POFUT3: variants seen among roughly 807,000 people sequenced by gnomAD.
The protein encoded by POFUT3 is protein O-fucosyltransferase 3.
chr8:33,309,389 G>A, the POFUT3 span, among the ~76,000 whole-genome samples: 53 of 128,654 alleles, frequency 4.1e-4, 2 homozygotes, highest in South Asian at 0.014. Context: ...TTCTCCCCTC[G>A]TGCGTCTTCC....
chr8:33,371,976 G>A, the POFUT3 span: 2 of 172,048 alleles, frequency 1.2e-5, no homozygotes, highest in Non-Finnish European at 2.3e-5. Flanking sequence ...AATGGGAGGC[G>A]ATAGGGCAAG....
the POFUT3 span, chr8:33,371,894 G>C: frequency 2.0e-5 from 3 of 152,364 alleles, no homozygotes; most frequent in African/African-American, 7.2e-5. Flanking sequence ...GAAGGGGTAA[G>C]TGGTAACATC....
chr8:33,355,343 G>A, the POFUT3 span, among the ~76,000 whole-genome samples: 1 of 152,086 alleles, frequency 6.6e-6, no homozygotes, highest in Non-Finnish European at 1.5e-5. Flanking sequence ...AGTACAACTG[G>A]ATTTTTCAAT....
At chr8:33,360,826 A>T in the POFUT3 span, 3 of 152,226 alleles carry the variant, frequency 2.0e-5, no homozygotes, top group Admixed American at 1.3e-4. Flanking sequence ...AAATAAACAC[A>T]CAAGCAAACA....
At chr8:33,331,174 C>A in the POFUT3 span, among the ~76,000 whole-genome samples, 15 of 149,940 alleles carry the variant, frequency 1.0e-4, no homozygotes, top group Non-Finnish European at 1.9e-4. Context: ...AACCCGATTT[C>A]TAATAAAAAT....
the POFUT3 span, among the ~76,000 whole-genome samples, chr8:33,375,967 A>T: frequency 6.6e-6 from 1 of 151,694 alleles, no homozygotes; most frequent in East Asian, 1.9e-4. Flanking sequence ...CAGTGAGCCA[A>T]GATCATGCCA....
At chr8:33,344,921 T>G in the POFUT3 span, among the ~76,000 whole-genome samples, 1 of 152,222 alleles carries the variant, frequency 6.6e-6, no homozygotes, top group East Asian at 1.9e-4. Flanking sequence ...TGGCTTGATT[T>G]TATGACATTT....
At chr8:33,378,274 C>T in the POFUT3 span, among the ~76,000 whole-genome samples, 1 of 152,162 alleles carries the variant, frequency 6.6e-6, no homozygotes, top group African/African-American at 2.4e-5. Flanking sequence ...ACTGCGGGAG[C>T]AGTAGCAAAC....
chr8:33,451,417 CA>C, the POFUT3 span, among the ~76,000 whole-genome samples: 1 of 151,502 alleles, frequency 6.6e-6, no homozygotes, highest in Non-Finnish European at 1.5e-5. Context: ...TACATGTATA[CA>C]TGTGTGTATA....
chr8:33,428,664 T>G, the POFUT3 span, among the ~76,000 whole-genome samples: 1 of 152,288 alleles, frequency 6.6e-6, no homozygotes, highest in African/African-American at 2.4e-5. Flanking sequence ...ACAACAGTGT[T>G]GGGGGGTGTG....
At chr8:33,350,215 C>T in the POFUT3 span, among the ~76,000 whole-genome samples, 1 of 152,194 alleles carries the variant, frequency 6.6e-6, no homozygotes, top group African/African-American at 2.4e-5. Context: ...TCTGGGTCGT[C>T]TGTTTCCTCT....
the POFUT3 span, chr8:33,453,124 G>A: frequency 4.0e-6 from 5 of 1,262,642 alleles, no homozygotes; most frequent in African/African-American, 7.4e-5. Flanking sequence ...TTTTCAAGGG[G>A]AGCTCCACCA....
chr8:33,444,058 C>A, the POFUT3 span, among the ~76,000 whole-genome samples: 3 of 148,412 alleles, frequency 2.0e-5, no homozygotes, highest in Non-Finnish European at 4.4e-5. Context: ...TAGCAATGAA[C>A]AAAGCAAAGT....
chr8:33,351,074 C>T, the POFUT3 span, among the ~76,000 whole-genome samples: 1 of 152,116 alleles, frequency 6.6e-6, no homozygotes, highest in African/African-American at 2.4e-5. Flanking sequence ...CCTGCCTCAG[C>T]CTCCCGAGTA....
chr8:33,368,905 C>T, the POFUT3 span, among the ~76,000 whole-genome samples: 1 of 152,186 alleles, frequency 6.6e-6, no homozygotes, highest in East Asian at 1.9e-4. Flanking sequence ...AAGCATTCCT[C>T]AGTCCTTGGT....
chr8:33,319,912 G>T, the POFUT3 span, among the ~76,000 whole-genome samples: 3 of 148,736 alleles, frequency 2.0e-5, no homozygotes, highest in Non-Finnish European at 4.4e-5. Context: ...TTACTGATCA[G>T]CTCTTGGCAC....
the POFUT3 span, among the ~76,000 whole-genome samples, chr8:33,330,568 G>C: frequency 4.6e-5 from 7 of 152,150 alleles, no homozygotes; most frequent in Admixed American, 3.3e-4. Context: ...TTAAATGCTT[G>C]TTGGCCTGAT....
At chr8:33,454,305 G>T in the POFUT3 span, among the ~76,000 whole-genome samples, 2 of 152,150 alleles carry the variant, frequency 1.3e-5, no homozygotes, top group East Asian at 3.8e-4. Context: ...CACCATTCTT[G>T]ACTCATGGCC....
chr8:33,362,121 C>T, the POFUT3 span, among the ~76,000 whole-genome samples: 1 of 152,126 alleles, frequency 6.6e-6, no homozygotes, highest in Admixed American at 6.6e-5. Flanking sequence ...ATTCAACATT[C>T]TTAAAGAAAA....
Sources: gnomAD v4.1 joint callset for allele counts (sites outside exome capture counted in the v4.1 genomes callset) on GRCh38, gnomAD v4.1.1 for gene constraint, MANE v1.5 for transcripts, NCBI Gene and HGNC (gene_info 2026-07-23, HGNC 2026-07-21) for gene names.